BCL2L14: variants seen among roughly 807,000 people sequenced by gnomAD.
BCL2L14 encodes apoptosis facilitator Bcl-2-like protein 14.
BCL2L14 carries 27 observed loss-of-function variants against 35.3 expected under a neutral mutation model. That is an observed-to-expected ratio of 0.76 (90% CI 0.56 to 1.05). The LOEUF is 1.05. Among genes scored for constraint, BCL2L14 ranks in the 50% least tolerant of loss-of-function variants. The pLI is 0.00. For missense variants in BCL2L14, 377 were observed against 382.6 expected (o/e 0.99, Z 0.12); for synonymous variants, 139 against 145.9 (o/e 0.95, Z 0.34).
At chr12:12,063,115 G>A (rs1037373184) in intron 2 of BCL2L14, among the ~76,000 whole-genome samples, 1 of 151,682 alleles carries the variant, frequency 6.6e-6, no homozygotes, top group Non-Finnish European at 1.5e-5. Flanking sequence ...CAAAAAACTT[G>A]TCATCCCTAC....
intron 5 of BCL2L14, chr12:12,095,796 C>T (rs1949301450): frequency 1.3e-5 from 13 of 985,356 alleles, no homozygotes; most frequent in Non-Finnish European, 1.6e-5. Context: ...TGCAGCTGAT[C>T]TTGCCCAAGG....
intron 2 of BCL2L14, among the ~76,000 whole-genome samples, chr12:12,081,994 C>G (rs570338174): frequency 6.6e-6 from 1 of 152,330 alleles, no homozygotes; most frequent in East Asian, 1.9e-4. Context: ...GGAGAATCAG[C>G]CCACTCATAG....
chr12:12,089,819 T>G (rs1023203775), intron 3 of BCL2L14, among the ~76,000 whole-genome samples: 40 of 152,228 alleles, frequency 2.6e-4, no homozygotes, highest in Admixed American at 1.8e-3. Flanking sequence ...ATATCCCACC[T>G]TATTGTCAAG....
chr12:12,090,719 A>G (rs1949168290), intron 3 of BCL2L14, 60 bp from the exon 4 acceptor site: 2 of 1,411,548 alleles, frequency 1.4e-6, no homozygotes, highest in Non-Finnish European at 2.0e-6. Flanking sequence ...TTGTCCCTGG[A>G]AAAATGTAAG....
At chr12:12,089,328 C>G (rs1949118650) in intron 3 of BCL2L14, among the ~76,000 whole-genome samples, 1 of 151,350 alleles carries the variant, frequency 6.6e-6, no homozygotes, top group African/African-American at 2.4e-5. Context: ...AAGATTACGC[C>G]ATTGCACTCC....
In BCL2L14 at chr12:12,062,013, T is replaced by C. The variant is rs1487183710; in HGVS notation, c.-272+10166T>C. Among the ~76,000 whole-genome samples the C allele has an allele frequency of 2.0e-5, 3 of 152,320 alleles. No individual in the cohort carries two copies. The East Asian group carries it at 5.8e-4, about 29-fold the overall frequency. On this transcript the variant is annotated intron_variant, in intron 2 of 3. Transcript: ENST00000461264. ...ACAACTTGACCTTACTGTTTTAGCC[T>C]AGCCCTCATGTCTCCGTGCAGTGGC... is the stretch of plus-strand genomic sequence containing the variant.
chr12:12,093,810 A>G (rs1371119010), intron 4 of BCL2L14, among the ~76,000 whole-genome samples: 2 of 149,250 alleles, frequency 1.3e-5, no homozygotes, highest in African/African-American at 2.5e-5. Context: ...AAAAAAAGAA[A>G]GAAAGAAAAG....
At chr12:12,088,810 G>A (rs1949103883) in intron 3 of BCL2L14, among the ~76,000 whole-genome samples, 1 of 152,122 alleles carries the variant, frequency 6.6e-6, no homozygotes, top group South Asian at 2.1e-4. Flanking sequence ...CACACTAAAG[G>A]GGCCACAGCT....
rs71435889 is a variant in BCL2L14 at position 12,096,433 on chromosome 12, G to GAA, written c.945+1517_945+1518dup. Among the ~76,000 whole-genome samples, 120 of 102,052 alleles carry GAA rather than the reference G, an allele frequency of 1.2e-3. 1 individual carries two copies. Among genetic ancestry groups the GAA allele is most frequent in the South Asian group, 4.2e-3 (12 of 2,848 alleles). The allele number at this position is 102,052 out of a possible 152,430, so 67.0% of individuals were successfully genotyped here. On this transcript the variant is annotated intron_variant, in intron 5 of 5. Transcript: ENST00000308721. ...CCAAGAACACCACCACCAAGAATGT[G>GAA]AAAAAAAAAAAAAAACAACCCACAG...
intron 3 of BCL2L14, among the ~76,000 whole-genome samples, chr12:12,088,564 T>G (rs1223580295): frequency 2.0e-5 from 3 of 152,210 alleles, no homozygotes; most frequent in African/African-American, 7.2e-5. Flanking sequence ...TGTCTGCAGC[T>G]CAATTTTACA....
intron 3 of BCL2L14, among the ~76,000 whole-genome samples, chr12:12,089,372 T>TA (rs113134874): frequency 1.8e-3 from 228 of 125,662 alleles, no homozygotes; most frequent in Middle Eastern, 5.0e-3. Context: ...TCCATCTCAA[T>TA]AAAAAAAAAA....
intron 1 of BCL2L14, among the ~76,000 whole-genome samples, chr12:12,076,195 G>A (rs1439433549): frequency 7.0e-6 from 1 of 143,352 alleles, no homozygotes; most frequent in Non-Finnish European, 1.5e-5. Flanking sequence ...GCATGGGGGA[G>A]GGTGGGATGC....
At chr12:12,085,775 CA>C (rs1949030059) in intron 2 of BCL2L14, among the ~76,000 whole-genome samples, 1 of 152,136 alleles carries the variant, frequency 6.6e-6, no homozygotes, top group Non-Finnish European at 1.5e-5. Flanking sequence ...CATATGATGT[CA>C]AAACCTGTTT....
chr12:12,093,158 C>A (rs964501528), intron 4 of BCL2L14, among the ~76,000 whole-genome samples: 1 of 151,952 alleles, frequency 6.6e-6, no homozygotes, highest in Non-Finnish European at 1.5e-5. Flanking sequence ...AAGGGAAGGC[C>A]GGGAGGTAAA....
At chr12:12,081,915 C>CT (rs1436557858) in intron 2 of BCL2L14, among the ~76,000 whole-genome samples, 1 of 152,134 alleles carries the variant, frequency 6.6e-6, no homozygotes, top group Admixed American at 6.5e-5. Flanking sequence ...GCCTGGGTAA[C>CT]TTGTCAATAA....
upstream of BCL2L14, among the ~76,000 whole-genome samples, chr12:12,070,410 C>T (rs772762731): frequency 1.3e-5 from 2 of 152,190 alleles, no homozygotes; most frequent in South Asian, 2.1e-4. Flanking sequence ...GTTGGCCGGG[C>T]GCAGTGGCTT....
At chr12:12,078,930 G>A (rs957366484) in intron 1 of BCL2L14, among the ~76,000 whole-genome samples, 15 of 152,194 alleles carry the variant, frequency 9.9e-5, no homozygotes, top group South Asian at 2.1e-4. Context: ...CCAAGTAGCC[G>A]GGTCTACAGG....
rs2136764990 is a variant in BCL2L14, at chr12:12,087,230, A to G, written c.451A>G (p.Ile151Val). The part of the protein sequence containing the change: ...LEHEAVDPKV[I>V]SIANRVAEIV... ...TGTTTCAGCTGTGGACCCCAAAGTC[A>G]TTTCCATTGCCAACCGAGTAGCTGA... The change falls in exon 3 of 6, where the codon ATT (isoleucine) becomes GTT (valine). Residue 151 changes from isoleucine to valine, a missense_variant. Coordinates refer to ENST00000308721, the MANE Select transcript of BCL2L14 (RefSeq NM_138723.2). 6.2e-7 allele frequency: 1 copy of G among 1,614,184 alleles called. No homozygotes were observed. The highest frequency in any genetic ancestry group is 8.5e-7 in the Non-Finnish European group (1 of 1,180,040).
At chr12:12,066,909 G>A (rs188186270), upstream of BCL2L14, among the ~76,000 whole-genome samples, 4 of 151,800 alleles carry the variant, frequency 2.6e-5, no homozygotes, top group South Asian at 2.1e-4. Context: ...ACGGGGTTTC[G>A]CTGTGTTAGC....
Sources: gnomAD v4.1 joint callset for allele counts (sites outside exome capture counted in the v4.1 genomes callset) on GRCh38, gnomAD v4.1.1 for gene constraint, MANE v1.5 for transcripts, NCBI Gene and HGNC (gene_info 2026-07-23, HGNC 2026-07-21) for gene names.